Variants in BCL11B observed in about 807,000 individuals in gnomAD.
The protein encoded by BCL11B is BCL11 transcription factor B.
Under a neutral mutation model 49.9 loss-of-function variants are expected in BCL11B, and 8 were observed. The ratio of observed to expected loss-of-function variants is 0.16; its 90% CI spans 0.09 to 0.29. The LOEUF (loss-of-function observed/expected upper bound fraction) is 0.29, where lower values mean the gene tolerates loss of function less well. BCL11B is among the 10% of genes least tolerant of loss of function. The pLI, the probability that BCL11B is intolerant of heterozygous loss-of-function variation, is 1.00. For synonymous variants in BCL11B, 739 were observed against 637.4 expected (o/e 1.16, Z -2.40); for missense variants, 1,006 against 1,351.0 (o/e 0.74, Z 4.00).
chr14:99,236,174 C>T lies in BCL11B; in HGVS notation c.428-4617G>A, dbSNP rs569525869. Among the ~76,000 whole-genome samples, 8 of 152,220 alleles carry T rather than the reference C, an allele frequency of 5.3e-5. No homozygotes were observed. In the South Asian group the frequency reaches 8.3e-4, roughly 16 times the overall value. The stretch of plus-strand genomic sequence containing the variant: ...AGCCGGGAAAGATTTGAGAGGCGAA[C>T]GTACTGTGCAGGAAAGGCAGCGCCA... On this transcript the variant is annotated intron_variant, in intron 2 of 3. Coordinates refer to ENST00000357195, the MANE Select transcript of BCL11B (RefSeq NM_138576.4).
intron 3 of BCL11B, among the ~76,000 whole-genome samples, chr14:99,199,336 G>A (rs1887274345): frequency 6.6e-6 from 1 of 152,042 alleles, no homozygotes; most frequent in Non-Finnish European, 1.5e-5. Context: ...TTAAATTATT[G>A]CAATTACAGC....
intron 3 of BCL11B, among the ~76,000 whole-genome samples, chr14:99,202,487 T>G (rs368994139): frequency 3.5e-4 from 53 of 152,316 alleles, no homozygotes; most frequent in African/African-American, 9.9e-4. Context: ...TCAGCCAAAA[T>G]GTGCCTTGAA....
chr14:99,210,686 T>C (rs1054184597), intron 3 of BCL11B, among the ~76,000 whole-genome samples: 3 of 152,136 alleles, frequency 2.0e-5, no homozygotes, highest in African/African-American at 4.8e-5. Context: ...AAGAGAGAGA[T>C]TGAAGGTAGG....
intron 2 of BCL11B, among the ~76,000 whole-genome samples, chr14:99,235,124 G>A (rs1346019635): frequency 6.6e-6 from 1 of 152,178 alleles, no homozygotes; most frequent in Non-Finnish European, 1.5e-5. Context: ...CCCCATCCGG[G>A]TTTCAGGGGG....
Position 99,183,455 on chromosome 14 carries a change from G to A in BCL11B, c.641-7260C>T, listed in dbSNP as rs555381428. On this transcript the variant is annotated intron_variant, in intron 3 of 3. Coordinates refer to ENST00000357195, the MANE Select transcript of BCL11B (RefSeq NM_138576.4). Reference sequence around the variant, plus strand: ...AAAGTTGCACTTCAGGACTGCCAGCGGCCGAGACATCCGACAGACCAGGAG... The same window carrying A: ...AAAGTTGCACTTCAGGACTGCCAGCAGCCGAGACATCCGACAGACCAGGAG... Among the ~76,000 whole-genome samples the A allele has an allele frequency of 1.6e-4, 25 of 152,126 alleles. No homozygotes were observed. The South Asian group carries it at 2.3e-3, about 14-fold the overall frequency.
At chr14:99,181,045 A>G (rs895182053) in intron 3 of BCL11B, among the ~76,000 whole-genome samples, 10 of 152,216 alleles carry the variant, frequency 6.6e-5, no homozygotes, top group Admixed American at 6.5e-4. Context: ...TTCAATAAAA[A>G]ACACACCTTT....
At chr14:99,235,681 C>A (rs1357441354) in intron 2 of BCL11B, among the ~76,000 whole-genome samples, 1 of 125,080 alleles carries the variant, frequency 8.0e-6, no homozygotes, top group East Asian at 2.3e-4. Context: ...TTTTTTTTTT[C>A]TTTTTTCTTT....
chr14:99,264,902 C>T (rs1323269565), intron 1 of BCL11B, among the ~76,000 whole-genome samples: 4 of 152,210 alleles, frequency 2.6e-5, no homozygotes, highest in Non-Finnish European at 5.9e-5. Flanking sequence ...AGGCAGTCAG[C>T]ACACGGCGTT....
intron 3 of BCL11B, among the ~76,000 whole-genome samples, chr14:99,182,630 G>C (rs1414288838): frequency 6.6e-6 from 1 of 152,224 alleles, no homozygotes; most frequent in East Asian, 1.9e-4. Flanking sequence ...ACTGAGGGGT[G>C]TAAGTGCTGA....
Position 99,242,338 on chromosome 14 carries a change from AGGC to A in BCL11B, c.428-10784_428-10782del, listed in dbSNP as rs1283739805. Reference sequence around the variant, plus strand: ...AACCATGTGGGCTGGGTACAGCGACAGGCGGAGAGGCCCGTCAGGTTGGGAGGG... The same window carrying A: ...AACCATGTGGGCTGGGTACAGCGACAGGAGAGGCCCGTCAGGTTGGGAGGG... On this transcript the variant is annotated intron_variant, in intron 2 of 3. Coordinates refer to ENST00000357195, the MANE Select transcript of BCL11B (RefSeq NM_138576.4). The surrounding 1 kb of genome is among the most constrained non-coding windows in gnomAD (Gnocchi z 4.4). Among the ~76,000 whole-genome samples, 1 of 152,204 alleles carries A rather than the reference AGGC, an allele frequency of 6.6e-6. No individual in the cohort carries two copies. Among genetic ancestry groups the A allele is most frequent in the Non-Finnish European group, 1.5e-5 (1 of 68,040 alleles).
In BCL11B at chr14:99,235,770, G is replaced by A. The variant is rs563275432; in HGVS notation, c.428-4213C>T. Among the ~76,000 whole-genome samples the A allele has an allele frequency of 1.2e-4, 18 of 152,006 alleles. No individual in the cohort carries two copies. The East Asian group carries it at 3.1e-3, about 26-fold the overall frequency. On this transcript the variant is annotated intron_variant, in intron 2 of 3. Coordinates refer to ENST00000357195, the MANE Select transcript of BCL11B (RefSeq NM_138576.4). Reference sequence around the variant, plus strand: ...AGCGGTGGCAGCAGCAAGCCACAAGGACTGTTTGACAAGTTTGCAAAGTTG... The same window carrying A: ...AGCGGTGGCAGCAGCAAGCCACAAGAACTGTTTGACAAGTTTGCAAAGTTG...
rs1888660255 is a variant in BCL11B at position 99,241,235 on chromosome 14, G to A, written c.428-9678C>T. Among the ~76,000 whole-genome samples, 1 of 151,958 alleles carries A rather than the reference G, an allele frequency of 6.6e-6. No individual in the cohort carries two copies. Among genetic ancestry groups the A allele is most frequent in the Non-Finnish European group, 1.5e-5 (1 of 68,004 alleles). On this transcript the variant is annotated intron_variant, in intron 2 of 3. Coordinates refer to ENST00000357195, the MANE Select transcript of BCL11B (RefSeq NM_138576.4). This position sits in a 1 kb window ranked among gnomAD's most constrained non-coding sequence, Gnocchi z 4.4. ...CTGTTTGGCTGTAATTACCCAGGAA[G>A]TTCTCTGCCCAGCACCCCATCATGA...
At chr14:99,199,462 G>A (rs554709151) in intron 3 of BCL11B, among the ~76,000 whole-genome samples, 6 of 152,258 alleles carry the variant, frequency 3.9e-5, no homozygotes, top group East Asian at 1.9e-4. Flanking sequence ...CTGCACAGAC[G>A]CCCAGATATT....
At chr14:99,180,247 C>T (rs1886661860) in intron 3 of BCL11B, among the ~76,000 whole-genome samples, 1 of 152,332 alleles carries the variant, frequency 6.6e-6, no homozygotes, top group East Asian at 1.9e-4. Flanking sequence ...AAGCGATTTA[C>T]CCAGCAACAT....
intron 3 of BCL11B, among the ~76,000 whole-genome samples, chr14:99,191,951 G>A (rs1887043108): frequency 6.6e-6 from 1 of 152,168 alleles, no homozygotes; most frequent in Non-Finnish European, 1.5e-5. Context: ...GGGTGACGGG[G>A]GGAGGAGGAT....
Position 99,232,012 on chromosome 14 carries a change from C to T in BCL11B, c.428-455G>A, listed in dbSNP as rs917767235. ...CCCCTGTTTGCTGTATCAGGATGGG[C>T]TGTTCCTACAGGCCCGGGACACCTT... On this transcript the variant is annotated intron_variant, in intron 2 of 3. Transcript: ENST00000357195. The surrounding 1 kb of genome is among the most constrained non-coding windows in gnomAD (Gnocchi z 5.1). Among the ~76,000 whole-genome samples, 3 of 152,152 alleles carry T rather than the reference C, an allele frequency of 2.0e-5. No individual in the cohort carries two copies. The highest frequency in any genetic ancestry group is 7.2e-5 in the African/African-American group (3 of 41,430).
intron 3 of BCL11B, among the ~76,000 whole-genome samples, chr14:99,214,914 G>A (rs552301065): frequency 4.9e-4 from 75 of 152,194 alleles, no homozygotes; most frequent in African/African-American, 1.8e-3. Context: ...GCCATCTCCC[G>A]GCTGAAGAAC....
intron 3 of BCL11B, among the ~76,000 whole-genome samples, chr14:99,227,542 C>T (rs1370146961): frequency 6.6e-6 from 1 of 152,140 alleles, no homozygotes; most frequent in Non-Finnish European, 1.5e-5. Context: ...CAGGAGTGTC[C>T]AAACCATTCT....
intron 3 of BCL11B, among the ~76,000 whole-genome samples, chr14:99,203,396 C>A (rs1887441977): frequency 6.6e-6 from 1 of 152,152 alleles, no homozygotes; most frequent in African/African-American, 2.4e-5. Context: ...GACATGCATG[C>A]CTGGGGCCAA....
Sources: allele counts gnomAD v4.1 joint callset (sites outside exome capture counted in the v4.1 genomes callset), GRCh38; gene constraint gnomAD v4.1.1; non-coding constraint Gnocchi (gnomAD v3.1); transcripts MANE v1.5; gene names NCBI Gene and HGNC (gene_info 2026-07-23, HGNC 2026-07-21).